Variants in KIAA0319L observed in about 807,000 individuals in gnomAD.
KIAA0319L encodes the protein dyslexia-associated protein KIAA0319-like protein.
KIAA0319L carries 55 observed loss-of-function variants against 120.1 expected under a neutral mutation model. The ratio of observed to expected loss-of-function variants is 0.46; its 90% CI spans 0.37 to 0.57. The LOEUF (loss-of-function observed/expected upper bound fraction) is 0.57. Ranked by LOEUF, KIAA0319L falls within the 20% of genes least tolerant of loss-of-function variation. KIAA0319L has a pLI of 0.00. For synonymous variants in KIAA0319L, 398 were observed against 471.9 expected (o/e 0.84, Z 2.03); for missense variants, 1,049 against 1,255.3 (o/e 0.84, Z 2.48).
chr1:35,534,965 C>T (rs774255142), intron 2 of KIAA0319L, among the ~76,000 whole-genome samples: 7 of 150,788 alleles, frequency 4.6e-5, no homozygotes, highest in South Asian at 4.2e-4. Context: ...GCTGTGGTGG[C>T]GCATGCCTGT....
chr1:35,495,574 C>A (rs1473970628), intron 3 of KIAA0319L, among the ~76,000 whole-genome samples: 1 of 152,078 alleles, frequency 6.6e-6, no homozygotes, highest in East Asian at 1.9e-4. Flanking sequence ...AATCACGTAT[C>A]TGAGAAAGAG....
chr1:35,446,161 G>A (rs1190709259), intron 16 of KIAA0319L, among the ~76,000 whole-genome samples: 1 of 152,116 alleles, frequency 6.6e-6, no homozygotes, highest in Non-Finnish European at 1.5e-5. Flanking sequence ...TAAGGCTTGG[G>A]CAGTGTTATG....
intron 16 of KIAA0319L, 101 bp downstream of exon 16, chr1:35,448,067 CAGAAA>C: frequency 9.0e-7 from 1 of 1,116,514 alleles, no homozygotes; most frequent in Non-Finnish European, 1.3e-6. Context: ...TGTTTCTGGT[CAGAAA>C]GCCCACCTTT....
intron 2 of KIAA0319L, among the ~76,000 whole-genome samples, chr1:35,539,042 C>G (rs1646691659): frequency 6.6e-6 from 1 of 152,134 alleles, no homozygotes; most frequent in Non-Finnish European, 1.5e-5. Flanking sequence ...GAAATAAGAA[C>G]ACCCAAATGT....
intron 4 of KIAA0319L, among the ~76,000 whole-genome samples, chr1:35,476,464 G>A (rs538813342): frequency 2.0e-5 from 3 of 152,176 alleles, no homozygotes; most frequent in South Asian, 2.1e-4. Context: ...GGGCTTCCTA[G>A]ACAAATATGA....
At chr1:35,456,267 A>G (rs375074539) in intron 9 of KIAA0319L, 26 bp from the exon 10 acceptor site, 21 of 1,429,642 alleles carry the variant, frequency 1.5e-5, no homozygotes, top group Non-Finnish European at 1.8e-5. Flanking sequence ...GAGGAGTGTG[A>G]TCAGGGACGG....
chr1:35,498,941 G>A (rs200247695), intron 3 of KIAA0319L, among the ~76,000 whole-genome samples: 5 of 152,266 alleles, frequency 3.3e-5, no homozygotes, highest in South Asian at 2.1e-4. Context: ...GGCATTAGTC[G>A]GGTCTTCTTC....
Position 35,541,171 on chromosome 1 carries a change from G to A in KIAA0319L, c.142+13179C>T, listed in dbSNP as rs553496229. ...TGTCCAGACTGGTCTCAAACTTCTG[G>A]CCTCAAACGATCCACCTGCCTCGGC... is the stretch of plus-strand genomic sequence containing the variant. On this transcript the variant is annotated intron_variant, in intron 2 of 20. Coordinates refer to ENST00000325722, the MANE Select transcript of KIAA0319L (RefSeq NM_024874.5). 8.6e-5 allele frequency among the ~76,000 whole-genome samples: 13 copies of A among 151,758 alleles called. 1 individual carries two copies. In the South Asian group the frequency reaches 2.7e-3, roughly 32 times the overall value.
intron 3 of KIAA0319L, among the ~76,000 whole-genome samples, chr1:35,491,867 T>A (rs1644607195): frequency 6.6e-6 from 1 of 152,194 alleles, no homozygotes; most frequent in Admixed American, 6.5e-5. Context: ...AAGACTATAA[T>A]GAACTTTATG....
intron 10 of KIAA0319L, among the ~76,000 whole-genome samples, chr1:35,455,423 A>T (rs1258121980): frequency 6.6e-6 from 1 of 152,092 alleles, no homozygotes; most frequent in Non-Finnish European, 1.5e-5. Context: ...TAGAGAGAAG[A>T]TACTCACCAT....
chr1:35,462,558 A>G (rs1642972297), intron 8 of KIAA0319L, 63 bp downstream of exon 8: 1 of 1,343,500 alleles, frequency 7.4e-7, no homozygotes, highest in Non-Finnish European at 1.1e-6. Context: ...CTTCTACTAG[A>G]GTTTTCTATC....
At chr1:35,532,194 T>C (rs1646395165) in intron 2 of KIAA0319L, among the ~76,000 whole-genome samples, 1 of 151,538 alleles carries the variant, frequency 6.6e-6, no homozygotes, top group Admixed American at 6.6e-5. Context: ...GTCATCAAGA[T>C]TGTGCCACTA....
intron 2 of KIAA0319L, among the ~76,000 whole-genome samples, chr1:35,552,413 A>T (rs1285865975): frequency 1.3e-5 from 2 of 152,144 alleles, no homozygotes; most frequent in East Asian, 3.9e-4. Flanking sequence ...GAAGAGAAAG[A>T]GTATGAGCTC....
intron 2 of KIAA0319L, among the ~76,000 whole-genome samples, chr1:35,542,020 C>T (rs1303125958): frequency 6.6e-6 from 1 of 152,144 alleles, no homozygotes; most frequent in Non-Finnish European, 1.5e-5. Context: ...ACAGAAGGCC[C>T]AGCTGCCTAC....
rs369478280 is a variant in KIAA0319L at position 35,442,200 on chromosome 1, G to A, written c.2870+46C>T. ...CCAAATACCTCTCTGAGGAACGAAT[G>A]TATGACAAGAAGCCCGAATGAATTT... On this transcript the variant is annotated intron_variant, in intron 19 of 20. Transcript: ENST00000325722. 3 of 1,417,818 alleles carry A rather than the reference G, an allele frequency of 2.1e-6. No individual in the cohort carries two copies. In the African/African-American group the frequency reaches 4.2e-5, roughly 20 times the overall value. The allele number at this position is 1,417,818 out of a possible 1,614,324, so 87.8% of individuals were successfully genotyped here.
chr1:35,444,500 G>C (rs949764939), intron 16 of KIAA0319L, among the ~76,000 whole-genome samples, 197 bp from the exon 17 acceptor site: 4 of 152,190 alleles, frequency 2.6e-5, no homozygotes, highest in African/African-American at 9.7e-5. Context: ...CTTTGTAAGA[G>C]GGGTTAAGTA....
intron 10 of KIAA0319L, among the ~76,000 whole-genome samples, chr1:35,455,455 G>A (rs1416999286): frequency 6.6e-6 from 1 of 151,554 alleles, no homozygotes; most frequent in Admixed American, 6.6e-5. Flanking sequence ...ACTCTAACTT[G>A]TTATAGAGCT....
intron 2 of KIAA0319L, among the ~76,000 whole-genome samples, chr1:35,551,710 C>T (rs1012844365): frequency 1.3e-5 from 2 of 152,122 alleles, no homozygotes; most frequent in Admixed American, 1.3e-4. Context: ...ATGTCTGTCA[C>T]ATGTTGCTTG....
At chr1:35,492,925 A>G (rs1570806367) in intron 3 of KIAA0319L, among the ~76,000 whole-genome samples, 1 of 152,294 alleles carries the variant, frequency 6.6e-6, no homozygotes, top group Non-Finnish European at 1.5e-5. Context: ...CTGGGAGGCT[A>G]AGGCAGGAAG....
Sources: gnomAD v4.1 joint callset for allele counts (sites outside exome capture counted in the v4.1 genomes callset) on GRCh38, gnomAD v4.1.1 for gene constraint, MANE v1.5 for transcripts, NCBI Gene and HGNC (gene_info 2026-07-23, HGNC 2026-07-21) for gene names.